The following NBEA variants were observed in gnomAD, a reference collection of about 807,000 sequenced individuals.
NBEA encodes lysosomal-trafficking regulator 2.
A neutral mutation model predicts 343.4 loss-of-function variants in NBEA; 44 were observed. The ratio of observed to expected loss-of-function variants is 0.13; its 90% CI spans 0.10 to 0.16. The LOEUF is 0.16. Among genes scored for constraint, NBEA ranks in the 10% least tolerant of loss-of-function variants. NBEA has a pLI of 1.00. For synonymous variants in NBEA, 1,175 were observed against 1,238.7 expected, an observed-to-expected ratio of 0.95 and a Z score of 1.08; for missense variants, 2,555 against 3,631.3, an observed-to-expected ratio of 0.70 and a Z score of 7.62.
intron 25 of NBEA, chr13:35,171,055 A>T (rs1187225829): frequency 1.5e-6 from 1 of 673,134 alleles, no homozygotes; most frequent in African/African-American, 1.8e-5. Flanking sequence ...GTTGATTTTA[A>T]AATGGGCTTT....
chr13:35,204,985 C>A lies in NBEA; in HGVS notation c.5367-3715C>A, dbSNP rs549467633. Among the ~76,000 whole-genome samples the A allele has an allele frequency of 5.0e-3, 759 of 152,138 alleles. 7 individuals carry two copies. The highest frequency in any genetic ancestry group is 0.018 in the African/African-American group (730 of 41,522). ...TATAAGAGTTGAAAATTTTTACTCT[C>A]ATATATGAATAGTTGCTAATACCAA... On this transcript the variant is annotated intron_variant, in intron 31 of 58. Transcript: ENST00000379939.
chr13:35,216,506 C>A (rs1381782367), intron 33 of NBEA, among the ~76,000 whole-genome samples: 1 of 151,906 alleles, frequency 6.6e-6, no homozygotes, highest in Non-Finnish European at 1.5e-5. Flanking sequence ...TTAGAACTTT[C>A]TTGTTTAATG....
chr13:35,110,608 G>A (rs1408769112), intron 12 of NBEA, among the ~76,000 whole-genome samples: 4 of 151,636 alleles, frequency 2.6e-5, no homozygotes, highest in Admixed American at 1.3e-4. Context: ...TCTATTATGA[G>A]TTTATTAGAA....
chr13:35,606,962 A>C (rs973042952), intron 48 of NBEA, among the ~76,000 whole-genome samples: 8 of 152,228 alleles, frequency 5.3e-5, no homozygotes, highest in African/African-American at 1.9e-4. Flanking sequence ...CAGAACAGAA[A>C]AAAATTTATT....
chr13:35,424,515 G>T (rs1246234495), intron 38 of NBEA, among the ~76,000 whole-genome samples: 1 of 152,146 alleles, frequency 6.6e-6, no homozygotes, highest in East Asian at 1.9e-4. Flanking sequence ...GATCATGGGG[G>T]ATAAGCTTAT....
At chr13:35,471,592 G>A (rs963305800) in intron 40 of NBEA, among the ~76,000 whole-genome samples, 8 of 152,114 alleles carry the variant, frequency 5.3e-5, no homozygotes, top group African/African-American at 1.7e-4. Flanking sequence ...TATTCCATAC[G>A]CGTAATTCGT....
At chr13:35,445,664 A>T (rs2045964598) in intron 39 of NBEA, among the ~76,000 whole-genome samples, 2 of 151,432 alleles carry the variant, frequency 1.3e-5, no homozygotes, top group Admixed American at 6.6e-5. Context: ...TTACTCAACA[A>T]ACATTTGTTA....
chr13:35,569,219 G>A (rs1405406062), intron 45 of NBEA, among the ~76,000 whole-genome samples: 3 of 152,132 alleles, frequency 2.0e-5, no homozygotes, highest in Non-Finnish European at 4.4e-5. Flanking sequence ...ACTTGCCAAG[G>A]TTGAAGTGTA....
intron 1 of NBEA, among the ~76,000 whole-genome samples, chr13:35,036,412 C>T (rs553833058): frequency 6.6e-6 from 1 of 152,160 alleles, no homozygotes; most frequent in East Asian, 1.9e-4. Flanking sequence ...AGTCTTTCTA[C>T]TTAGGATAAA....
intron 41 of NBEA, among the ~76,000 whole-genome samples, chr13:35,493,423 A>T (rs974874695): frequency 1.3e-5 from 2 of 151,972 alleles, no homozygotes; most frequent in Non-Finnish European, 2.9e-5. Context: ...AGACCCTAAC[A>T]TTCCATATGA....
Position 35,309,608 on chromosome 13 carries a change from A to G in NBEA, c.5903+16A>G, listed in dbSNP as rs764307190. On this transcript the variant is annotated intron_variant, in intron 36 of 58. Transcript: ENST00000379939. ...ATGAAGGAAGGTAATTAATTTTACA[A>G]TTTTAGACAACTAGTCAGTGTACAT... 8 of 1,495,672 alleles carry G rather than the reference A, an allele frequency of 5.3e-6. 1 individual carries two copies. Among genetic ancestry groups the G allele is most frequent in the Middle Eastern group, 3.4e-4 (2 of 5,868 alleles). The allele number at this position is 1,495,672 out of a possible 1,614,324, so 92.7% of individuals were successfully genotyped here.
intron 1 of NBEA, among the ~76,000 whole-genome samples, chr13:34,971,683 T>C (rs1040756099): frequency 5.3e-5 from 8 of 152,184 alleles, no homozygotes; most frequent in African/African-American, 1.9e-4. Flanking sequence ...TGAGCCAACC[T>C]TGTATCCTGG....
In NBEA at chr13:35,159,538, G is replaced by A; in HGVS notation, c.3367G>A (p.Glu1123Lys). The A allele has an allele frequency of 6.2e-7, 1 of 1,612,596 alleles. No homozygotes were observed. Residue 1123 changes from glutamate (E) to lysine (K), a missense_variant, in exon 22 of 59, where the codon GAA becomes AAA. Coordinates refer to ENST00000379939, the MANE Select transcript of NBEA (RefSeq NM_001385012.1). ...GSVGIIKKNE[E>K]KDNGPLITLA... ...TGTTGGTATCATTAAAAAAAATGAA[G>A]AAAAGGATAATGGTCCATTGATAAC...
At chr13:35,560,319 C>A (rs1361840) in intron 44 of NBEA, among the ~76,000 whole-genome samples, 115,090 of 152,170 alleles carry the variant, frequency 0.76, 44,726 homozygotes, top group Non-Finnish European at 0.84. Context: ...CTTTTAAAAC[C>A]TAAATAATTA....
chr13:35,070,247 T>C lies in NBEA; in HGVS notation c.1437+142T>C, dbSNP rs1307231283. ...TTTGCAGATCTTTTAAGTGAAACTT[T>C]AAAGAATATCTCTCTTTTCTATAGC... On this transcript the variant is annotated intron_variant, in intron 9 of 58. Coordinates refer to ENST00000379939, the MANE Select transcript of NBEA (RefSeq NM_001385012.1). 5.1e-6 allele frequency: 4 copies of C among 780,210 alleles called. No individual in the cohort carries two copies. In the African/African-American group the frequency reaches 7.2e-5, roughly 14 times the overall value. The allele number at this position is 780,210 out of a possible 1,614,324, so 48.3% of individuals were successfully genotyped here. A position where few individuals can be genotyped will look rare whatever the true frequency, so the allele number is the denominator to read the frequency against.
At chr13:35,471,373 C>T (rs780540636) in intron 40 of NBEA, among the ~76,000 whole-genome samples, 2 of 152,130 alleles carry the variant, frequency 1.3e-5, no homozygotes, top group Non-Finnish European at 1.5e-5. Context: ...TGCCTTTCTC[C>T]GACTGTTATT....
chr13:35,458,731 T>A (rs1331353808), intron 40 of NBEA, among the ~76,000 whole-genome samples: 1 of 152,194 alleles, frequency 6.6e-6, no homozygotes, highest in Non-Finnish European at 1.5e-5. Flanking sequence ...TAATCTTTAT[T>A]GCATTTCCAC....
chr13:35,562,191 A>C (rs1056204898), intron 44 of NBEA, among the ~76,000 whole-genome samples: 1 of 152,078 alleles, frequency 6.6e-6, no homozygotes, highest in Non-Finnish European at 1.5e-5. Context: ...TTCTTTAACT[A>C]TTTTTGAAAC....
At chr13:35,668,599 CTG>C (rs763157243) in intron 58 of NBEA, 80 bp downstream of exon 58, 22 of 1,333,506 alleles carry the variant, frequency 1.6e-5, no homozygotes, top group Non-Finnish European at 2.2e-5. Context: ...GTGAATTGTG[CTG>C]TGAGTGCAAT....
Sources: allele counts gnomAD v4.1 joint callset (sites outside exome capture counted in the v4.1 genomes callset), GRCh38; gene constraint gnomAD v4.1.1; transcripts MANE v1.5; gene names NCBI Gene and HGNC (gene_info 2026-07-23, HGNC 2026-07-21).